TMEM181: variants seen among roughly 807,000 people sequenced by gnomAD.
TMEM181 encodes transmembrane protein 181, also known as G protein-coupled receptor 178.
In TMEM181, 39 loss-of-function variants were observed where a neutral mutation model predicts 71.9. That is an observed-to-expected ratio of 0.54 (90% CI 0.42 to 0.71). The LOEUF (loss-of-function observed/expected upper bound fraction) is 0.71. TMEM181 is among the 30% of genes least tolerant of loss of function. The pLI is 0.00. For synonymous variants in TMEM181, 245 were observed against 228.8 expected, an observed-to-expected ratio of 1.07 and a Z score of -0.64; for missense variants, 595 against 583.0, an observed-to-expected ratio of 1.02 and a Z score of -0.21.
At chr6:158,568,144 G>A (rs1299863160) in intron 1 of TMEM181, among the ~76,000 whole-genome samples, 1 of 152,156 alleles carries the variant, frequency 6.6e-6, no homozygotes, top group Non-Finnish European at 1.5e-5. Flanking sequence ...TGTGGAAGGA[G>A]CGAGAGAAGG....
chr6:158,538,050 GGAAAA>G (rs1781192715), intron 1 of TMEM181, among the ~76,000 whole-genome samples: 1 of 151,930 alleles, frequency 6.6e-6, no homozygotes, highest in Admixed American at 6.6e-5. Context: ...TGAGGGTATG[GGAAAA>G]GAATCCACAG....
rs1360614403 is a variant in TMEM181 at position 158,632,285 on chromosome 6, T to C, written c.*397T>C. ...CTCAGCGTGACAGCATCACCCTCTT[T>C]CTTCCCTTTTCCATGGTACTGTTTT... On this transcript the variant is annotated 3_prime_UTR_variant, in exon 17 of 17. Coordinates refer to ENST00000684151, the MANE Select transcript of TMEM181 (RefSeq NM_001376852.1). 1 of 216,690 alleles carries C rather than the reference T, an allele frequency of 4.6e-6. No homozygotes were observed. The highest frequency in any genetic ancestry group is 9.6e-6 in the Non-Finnish European group (1 of 104,702). The allele number at this position is 216,690 out of a possible 1,614,324, so 13.4% of individuals were successfully genotyped here.
At chr6:158,626,720 CTCTG>C (rs2128329693) in intron 13 of TMEM181, 1 of 457,230 alleles carries the variant, frequency 2.2e-6, no homozygotes, top group East Asian at 7.0e-5. Flanking sequence ...TGCACGTTGT[CTCTG>C]TGACGTCTCA....
chr6:158,617,463 G>T (rs1170698803), intron 10 of TMEM181, among the ~76,000 whole-genome samples: 5 of 137,676 alleles, frequency 3.6e-5, no homozygotes, highest in African/African-American at 1.3e-4. Flanking sequence ...GGTTTTTTTT[G>T]TGTCTCTATC....
upstream of TMEM181, among the ~76,000 whole-genome samples, chr6:158,558,302 C>G (rs894910278): frequency 2.0e-5 from 3 of 152,194 alleles, no homozygotes; most frequent in Admixed American, 1.3e-4. Flanking sequence ...AGCAAATGTG[C>G]TTTGTTTAGT....
Position 158,609,845 on chromosome 6 carries a change from C to T in TMEM181, c.896+1095C>T, listed in dbSNP as rs549820031. On this transcript the variant is annotated intron_variant, in intron 10 of 16. Transcript: ENST00000684151. ...ATACTGGCAAAGGCTTTTGGGAACC[C>T]GGCTAGGGAGGAAGTAGGGAGCATC... 432 of 238,328 alleles carry T rather than the reference C, an allele frequency of 1.8e-3. 1 individual carries two copies. The highest frequency in any genetic ancestry group is 3.4e-3 in the Non-Finnish European group (371 of 107,882). The allele number at this position is 238,328 out of a possible 1,614,324, so 14.8% of individuals were successfully genotyped here.
intron 8 of TMEM181, among the ~76,000 whole-genome samples, chr6:158,608,020 C>T (rs961715885): frequency 5.9e-5 from 9 of 152,232 alleles, no homozygotes; most frequent in African/African-American, 1.7e-4. Context: ...GGCGCTCTGT[C>T]GTGATCAGTG....
Position 158,623,649 on chromosome 6 carries a change from C to T in TMEM181, c.954+42C>T, listed in dbSNP as rs767180971. The T allele has an allele frequency of 3.6e-6, 5 of 1,394,870 alleles. No homozygotes were observed. In the African/African-American group the frequency reaches 4.3e-5, roughly 12 times the overall value. The allele number at this position is 1,394,870 out of a possible 1,614,324, so 86.4% of individuals were successfully genotyped here. On this transcript the variant is annotated intron_variant, in intron 11 of 16. Transcript: ENST00000684151. ...AGGCCTGCAATTTTTCTTCTTAATG[C>T]TGTTTTGTAAAATTACTGAATTTTG... is the stretch of plus-strand genomic sequence containing the variant.
chr6:158,576,283 A>G (rs1454993486), intron 2 of TMEM181, among the ~76,000 whole-genome samples: 2 of 152,240 alleles, frequency 1.3e-5, no homozygotes, highest in East Asian at 1.9e-4. Context: ...TAGCGCTTAT[A>G]GAAACCAAGG....
chr6:158,550,146 T>G (rs1781671656), intron 1 of TMEM181, among the ~76,000 whole-genome samples: 1 of 151,702 alleles, frequency 6.6e-6, no homozygotes, highest in Non-Finnish European at 1.5e-5. Context: ...AGGGCGTGAA[T>G]AGTGGCCAGG....
At chr6:158,575,800 T>C (rs1292661256) in intron 2 of TMEM181, among the ~76,000 whole-genome samples, 1 of 152,196 alleles carries the variant, frequency 6.6e-6, no homozygotes, top group African/African-American at 2.4e-5. Flanking sequence ...TCCAGAGAAA[T>C]GTTACTGCCT....
At chr6:158,576,808 A>G (rs913048001) in intron 2 of TMEM181, among the ~76,000 whole-genome samples, 1 of 152,138 alleles carries the variant, frequency 6.6e-6, no homozygotes, top group African/African-American at 2.4e-5. Context: ...CATGCCTGTA[A>G]TCCCAGCACT....
chr6:158,628,349 A>C, intron 13 of TMEM181, 59 bp from the exon 14 acceptor site: 1 of 1,522,310 alleles, frequency 6.6e-7, no homozygotes, highest in Non-Finnish European at 9.1e-7. Context: ...GAATTCTCTG[A>C]AGCTAGTGCC....
chr6:158,573,533 G>A lies in TMEM181; in HGVS notation c.112+10G>A, dbSNP rs559195023. ...TTCGTTGGGATCAGAGGTAAGGTTC[G>A]GTTTTTACTCATTGAATCTTTTGCC... On this transcript the variant is annotated intron_variant, in intron 2 of 16. Transcript: ENST00000684151. The A allele has an allele frequency of 6.3e-6, 10 of 1,594,310 alleles. No individual in the cohort carries two copies. Among genetic ancestry groups the A allele is most frequent in the African/African-American group, 5.4e-5 (4 of 74,522 alleles).
intron 1 of TMEM181, among the ~76,000 whole-genome samples, chr6:158,570,765 C>T (rs543394738): frequency 6.6e-6 from 1 of 152,132 alleles, no homozygotes; most frequent in Non-Finnish European, 1.5e-5. Context: ...AGACGTTGAC[C>T]TTGGTGCAGT....
chr6:158,546,441 CAG>C (rs1781528713), intron 1 of TMEM181, among the ~76,000 whole-genome samples: 1 of 152,184 alleles, frequency 6.6e-6, no homozygotes, highest in African/African-American at 2.4e-5. Flanking sequence ...GACGAGAATA[CAG>C]GGATCATTCA....
chr6:158,612,688 C>T (rs376824634), intron 10 of TMEM181, among the ~76,000 whole-genome samples: 6 of 152,304 alleles, frequency 3.9e-5, no homozygotes, highest in East Asian at 3.9e-4. Flanking sequence ...ATAGAAGCAA[C>T]ATTTCTTTCC....
intron 1 of TMEM181, among the ~76,000 whole-genome samples, chr6:158,542,263 G>T (rs1781382260): frequency 6.6e-6 from 1 of 152,152 alleles, no homozygotes; most frequent in Non-Finnish European, 1.5e-5. Context: ...CTCACGTATA[G>T]TATTGGGCAT....
In TMEM181 at chr6:158,538,769, T is replaced by C. The variant is rs567720951; in HGVS notation, c.131+1904T>C. 9.9e-5 allele frequency among the ~76,000 whole-genome samples: 15 copies of C among 152,278 alleles called. No individual in the cohort carries two copies. In the East Asian group the frequency reaches 2.7e-3, roughly 27 times the overall value. ...CACACAGAAGGTAGTCAGGTGAGGC[T>C]CATCTTGAAAGTGACATTTGTCTGA... is the stretch of plus-strand genomic sequence containing the variant. On this transcript the variant is annotated intron_variant, in intron 1 of 16. Transcript: ENST00000367090.
Sources: allele counts gnomAD v4.1 joint callset (sites outside exome capture counted in the v4.1 genomes callset), GRCh38; gene constraint gnomAD v4.1.1; transcripts MANE v1.5; gene names NCBI Gene and HGNC (gene_info 2026-07-23, HGNC 2026-07-21).